Variants in FSD1L observed in about 807,000 individuals in gnomAD.
The protein encoded by FSD1L is fibronectin type III and SPRY domain containing 1 like.
Under a neutral mutation model 71.6 loss-of-function variants are expected in FSD1L, and 45 were observed. That is an observed-to-expected ratio of 0.63 (90% CI 0.49 to 0.81). The LOEUF (loss-of-function observed/expected upper bound fraction) is 0.81. Ranked by LOEUF, FSD1L falls within the 30% of genes least tolerant of loss-of-function variation. The pLI, the probability that FSD1L is intolerant of heterozygous loss-of-function variation, is 0.00. For missense variants in FSD1L, 561 were observed against 618.1 expected, an observed-to-expected ratio of 0.91 and a Z score of 0.98; for synonymous variants, 197 against 207.2, an observed-to-expected ratio of 0.95 and a Z score of 0.42.
chr9:105,521,041 A>G, intron 10 of FSD1L: 1 of 1,612,766 alleles, frequency 6.2e-7, no homozygotes, highest in East Asian at 2.2e-5. Context: ...AACAGTTTAT[A>G]TCATCCTATA....
At chr9:105,476,707 A>G (rs1373060407) in intron 5 of FSD1L, among the ~76,000 whole-genome samples, 1 of 152,218 alleles carries the variant, frequency 6.6e-6, no homozygotes, top group East Asian at 1.9e-4. Context: ...ATAGAGGAAT[A>G]GAAACTTAGA....
upstream of FSD1L, among the ~76,000 whole-genome samples, chr9:105,447,036 G>A (rs888699200): frequency 6.6e-6 from 1 of 151,808 alleles, no homozygotes; most frequent in Non-Finnish European, 1.5e-5. Flanking sequence ...GACTATAATG[G>A]GCCTGGCACA....
intron 7 of FSD1L, among the ~76,000 whole-genome samples, chr9:105,502,394 T>G (rs1194049639): frequency 6.6e-6 from 1 of 152,232 alleles, no homozygotes; most frequent in Non-Finnish European, 1.5e-5. Flanking sequence ...GTATTTATCT[T>G]AGGTTCACTT....
chr9:105,508,715 G>T lies in FSD1L; in HGVS notation c.895G>T (p.Ala299Ser). ...YSDPVTLETK[A>S]LNFNLDNSSS... The stretch of plus-strand genomic sequence containing the variant: ...TGATCCAGTGACTCTAGAGACCAAA[G>T]GTGAGATCAGTAGCTCTTTATACAG... Residue 299 changes from alanine (A) to serine (S), a missense_variant and splice_region_variant, in exon 9 of 14, where the codon GCA (alanine) becomes TCA (serine). Ala to Ser is a moderately conservative substitution (Grantham distance 99, BLOSUM62 1). Transcript: ENST00000481272. The T allele has an allele frequency of 6.6e-7, 1 of 1,523,584 alleles. No individual in the cohort carries two copies. The highest frequency in any genetic ancestry group is 8.9e-7 in the Non-Finnish European group (1 of 1,121,728). 94.4% of individuals were successfully genotyped at this position (1,523,584 alleles called of 1,614,324 possible). A position where few individuals can be genotyped will look rare whatever the true frequency, so the allele number is the denominator to read the frequency against.
intron 6 of FSD1L, among the ~76,000 whole-genome samples, chr9:105,481,180 G>GTGTGTGTGTGTGTGTGTGT (rs1564098382): frequency 3.2e-5 from 1 of 30,770 alleles, no homozygotes; most frequent in Non-Finnish European, 5.5e-5. Flanking sequence ...TGTGTGTGTG[G>GTGTGTGTGTGTGTGTGTGT]TTCTTTTTTT....
intron 10 of FSD1L, among the ~76,000 whole-genome samples, chr9:105,531,154 A>C (rs1320504809): frequency 6.6e-6 from 1 of 152,164 alleles, no homozygotes; most frequent in Admixed American, 6.5e-5. Flanking sequence ...TGAAATTCTT[A>C]ATTTAAAAAC....
upstream of FSD1L, among the ~76,000 whole-genome samples, chr9:105,446,443 C>T (rs1829649555): frequency 6.6e-6 from 1 of 152,186 alleles, no homozygotes; most frequent in African/African-American, 2.4e-5. Context: ...AGGCTCACTG[C>T]AACCTCTGCC....
chr9:105,514,201 A>G (rs1354155221), intron 10 of FSD1L, among the ~76,000 whole-genome samples: 2 of 152,220 alleles, frequency 1.3e-5, no homozygotes, highest in Non-Finnish European at 2.9e-5. Context: ...TTTCAAAATT[A>G]TCTTCCTCTT....
chr9:105,546,313 T>C, intron 13 of FSD1L, 45 bp from the exon 14 acceptor site: 2 of 1,485,730 alleles, frequency 1.3e-6, no homozygotes, highest in Non-Finnish European at 1.8e-6. Flanking sequence ...TCACTGAAAT[T>C]CTAGTTTGAT....
rs1837041904 is a variant in FSD1L at position 105,546,987 on chromosome 9, G to A, written c.*504G>A. Reference sequence around the variant, plus strand: ...GGAATGGTAAAAAGGTTTTCAAATGGTTTATTTTTCCTCTTTTATAAATAA... The same window carrying A: ...GGAATGGTAAAAAGGTTTTCAAATGATTTATTTTTCCTCTTTTATAAATAA... On this transcript the variant is annotated 3_prime_UTR_variant, in exon 14 of 14. Coordinates refer to ENST00000481272, the MANE Select transcript of FSD1L (RefSeq NM_001145313.3). 6.6e-6 allele frequency: 1 copy of A among 151,900 alleles called. No individual in the cohort carries two copies. Among genetic ancestry groups the A allele is most frequent in the Non-Finnish European group, 1.5e-5 (1 of 67,952 alleles). The allele number at this position is 151,900 out of a possible 1,614,324, so 9.4% of individuals were successfully genotyped here. A position where few individuals can be genotyped will look rare whatever the true frequency, so the allele number is the denominator to read the frequency against.
At chr9:105,540,502 T>G (rs1230045538) in intron 13 of FSD1L, among the ~76,000 whole-genome samples, 2 of 152,160 alleles carry the variant, frequency 1.3e-5, no homozygotes, top group Non-Finnish European at 2.9e-5. Context: ...CCCAAGGTCA[T>G]GAAAATATTC....
intron 7 of FSD1L, among the ~76,000 whole-genome samples, chr9:105,493,564 G>C (rs1003985028): frequency 2.4e-4 from 37 of 152,190 alleles, no homozygotes; most frequent in African/African-American, 8.7e-4. Context: ...TGGTGATTTT[G>C]CTCGTTAGTT....
chr9:105,513,713 A>G, intron 10 of FSD1L: 3 of 1,100,028 alleles, frequency 2.7e-6, no homozygotes, highest in Non-Finnish European at 3.9e-6. Flanking sequence ...TTATCTTTTA[A>G]CCAATAAGCA....
chr9:105,535,112 C>T lies in FSD1L; in HGVS notation c.1172C>T (p.Ala391Val), dbSNP rs759714300. The T allele has an allele frequency of 1.3e-5, 20 of 1,551,472 alleles. No homozygotes were observed. The highest frequency in any genetic ancestry group is 1.7e-5 in the Non-Finnish European group (19 of 1,146,860). The change falls in exon 12 of 14, where the codon GCC (alanine) becomes GTC (valine). Residue 391 changes from alanine (A) to valine (V), a missense_variant. This residue lies in a region of FSD1L where 53 missense variants were observed against 102.2 expected (regional missense o/e 0.52). Coordinates refer to ENST00000481272, the MANE Select transcript of FSD1L (RefSeq NM_001145313.3). The part of the protein sequence containing the change: ...ESGQHYWEVK[A>V]QKDCKSYSVG... The stretch of plus-strand genomic sequence containing the variant: ...GGACAACATTATTGGGAGGTCAAGG[C>T]CCAGAAGGATTGTAAATCCTACAGT...
At chr9:105,462,417 C>T (rs143495990) in intron 2 of FSD1L, among the ~76,000 whole-genome samples, 18 of 151,472 alleles carry the variant, frequency 1.2e-4, no homozygotes, top group African/African-American at 2.4e-4. Context: ...GACAGGGTTT[C>T]GCCATGTTGG....
intron 10 of FSD1L, chr9:105,526,189 C>T (rs1026845276): frequency 1.8e-5 from 28 of 1,592,820 alleles, no homozygotes; most frequent in African/African-American, 1.2e-4. Flanking sequence ...AAATGCAAGC[C>T]GTGCTCTGAA....
intron 6 of FSD1L, among the ~76,000 whole-genome samples, chr9:105,479,746 T>C (rs1056204251): frequency 6.6e-5 from 10 of 152,194 alleles, no homozygotes; most frequent in African/African-American, 2.4e-4. Context: ...GTGGGTCTTA[T>C]TTTCTTTGAA....
chr9:105,501,901 G>C (rs745834671), intron 7 of FSD1L, among the ~76,000 whole-genome samples: 1 of 152,060 alleles, frequency 6.6e-6, no homozygotes, highest in African/African-American at 2.4e-5. Context: ...TTCCAGGTCA[G>C]TTAGGTTCCT....
At chr9:105,534,335 G>A (rs774992010) in intron 10 of FSD1L, among the ~76,000 whole-genome samples, 158 bp from the exon 11 acceptor site, 7 of 152,032 alleles carry the variant, frequency 4.6e-5, no homozygotes, top group Admixed American at 6.5e-5. Flanking sequence ...AATTGACAGC[G>A]CTCTTTAATT....
Sources: gnomAD v4.1 joint callset for allele counts (sites outside exome capture counted in the v4.1 genomes callset) on GRCh38, gnomAD v4.1.1 for gene constraint, gnomAD v4.1.1 regional missense constraint, MANE v1.5 for transcripts, NCBI Gene and HGNC (gene_info 2026-07-23, HGNC 2026-07-21) for gene names.